The following RNF4 variants were observed in gnomAD, a reference collection of about 807,000 sequenced individuals.
The protein encoded by RNF4 is ring finger protein 4.
RNF4 carries 7 observed loss-of-function variants against 24.3 expected under a neutral mutation model. That is an observed-to-expected ratio of 0.29 (90% CI 0.16 to 0.54). RNF4 has a LOEUF of 0.54. Among genes scored for constraint, RNF4 ranks in the 20% least tolerant of loss-of-function variants. The pLI is 0.95. For synonymous variants in RNF4, 83 were observed against 84.3 expected, an observed-to-expected ratio of 0.98 and a Z score of 0.09; for missense variants, 209 against 248.5, an observed-to-expected ratio of 0.84 and a Z score of 1.07.
chr4:2,500,595 G>T, intron 3 of RNF4, 64 bp from the exon 4 acceptor site: 1 of 1,523,196 alleles, frequency 6.6e-7, no homozygotes, highest in Non-Finnish European at 9.0e-7. Context: ...ATACTAAAGT[G>T]TAGAGGGATA....
At position 2,497,082 on chromosome 4, in the gene RNF4, A is replaced by T. The variant is rs372612482; in HGVS notation, c.85A>T (p.Ile29Phe). The T allele has an allele frequency of 6.2e-7, 1 of 1,609,626 alleles. No individual in the cohort carries two copies. Among genetic ancestry groups the T allele is most frequent in the African/African-American group, 1.3e-5 (1 of 74,864 alleles). ...RTREATSTPE[I>F]SLEAEPIELV... ...TCGGGAAGCAACCTCCACCCCCGAG[A>T]TCTCCTTGGAAGCAGAACCCATAGA... Residue 29 changes from isoleucine (I) to phenylalanine (F), a missense_variant, in exon 3 of 8, where the codon ATC becomes TTC. This residue lies in a region of RNF4 where 182 missense variants were observed against 197.2 expected (regional missense o/e 0.92). Transcript: ENST00000314289.
intron 1 of RNF4, among the ~76,000 whole-genome samples, chr4:2,488,243 A>C (rs762753147): frequency 1.3e-5 from 2 of 152,158 alleles, no homozygotes; most frequent in African/African-American, 4.8e-5. Flanking sequence ...CAAGTGGATC[A>C]CCTGAGGTCA....
intron 7 of RNF4, 116 bp from the exon 8 acceptor site, chr4:2,513,553 TG>T: frequency 8.2e-7 from 1 of 1,226,014 alleles, no homozygotes; most frequent in Non-Finnish European, 1.1e-6. Flanking sequence ...TGTTGTAGCC[TG>T]GCCCTTGCTT....
intron 7 of RNF4, 55 bp downstream of exon 7, chr4:2,513,186 G>A (rs1181745775): frequency 2.6e-6 from 4 of 1,521,140 alleles, no homozygotes; most frequent in Middle Eastern, 1.7e-4. Flanking sequence ...TTCACTGAAA[G>A]AATTGGATGA....
At chr4:2,513,559 T>A in intron 7 of RNF4, 111 bp from the exon 8 acceptor site, 1 of 1,327,144 alleles carries the variant, frequency 7.5e-7, no homozygotes, top group Non-Finnish European at 1.0e-6. Context: ...AGCCTGGCCC[T>A]TGCTTTCCTT....
At chr4:2,489,808 A>G (rs1363808114) in intron 1 of RNF4, 1 of 152,090 alleles carries the variant, frequency 6.6e-6, no homozygotes, top group East Asian at 1.9e-4. Context: ...GCCTTTCCTC[A>G]AAGCTTCTGC....
chr4:2,505,983 T>G (rs1736089350), intron 4 of RNF4: 1 of 151,908 alleles, frequency 6.6e-6, no homozygotes, highest in Non-Finnish European at 1.5e-5. Context: ...CACAACACAT[T>G]TTGTCATGGG....
chr4:2,490,766 C>T (rs1578510149), intron 2 of RNF4: 1 of 397,106 alleles, frequency 2.5e-6, no homozygotes, highest in East Asian at 3.9e-5. Context: ...ACCTTCACAA[C>T]AGTTGTCAGT....
chr4:2,486,886 A>G (rs1180864005), intron 1 of RNF4, among the ~76,000 whole-genome samples: 1 of 152,168 alleles, frequency 6.6e-6, no homozygotes, highest in Non-Finnish European at 1.5e-5. Flanking sequence ...ACAAGCCCCT[A>G]TATGATAGAT....
intron 2 of RNF4, among the ~76,000 whole-genome samples, chr4:2,495,582 C>G (rs1016665011): frequency 7.0e-6 from 1 of 143,514 alleles, no homozygotes; most frequent in African/African-American, 2.6e-5. Flanking sequence ...GAGAAGAGCA[C>G]GGAAACACCA....
chr4:2,477,622 T>A (rs920661981), intron 1 of RNF4, among the ~76,000 whole-genome samples: 1 of 150,794 alleles, frequency 6.6e-6, no homozygotes, highest in Non-Finnish European at 1.5e-5. Context: ...TAAGGGGGAG[T>A]TTCCCTACAC....
intron 4 of RNF4, among the ~76,000 whole-genome samples, chr4:2,508,911 C>CTTTTTTT (rs66571775): frequency 1.0e-3 from 65 of 62,564 alleles, no homozygotes; most frequent in Admixed American, 1.8e-3. Context: ...TGCCCCAGGC[C>CTTTTTTT]TTTTTTTTTT....
chr4:2,476,704 C>CTTTTTTTTT (rs72435381), intron 1 of RNF4, among the ~76,000 whole-genome samples: 1 of 136,554 alleles, frequency 7.3e-6, no homozygotes. Flanking sequence ...TTCTTTCTTT[C>CTTTTTTTTT]TTTTTTTTTT....
At chr4:2,475,657 A>T (rs1735048685) in intron 1 of RNF4, among the ~76,000 whole-genome samples, 1 of 152,126 alleles carries the variant, frequency 6.6e-6, no homozygotes, top group Non-Finnish European at 1.5e-5. Flanking sequence ...CTAATTTTTA[A>T]CAAAGTTTTG....
At chr4:2,498,407 C>G (rs1056600759) in intron 3 of RNF4, among the ~76,000 whole-genome samples, 7 of 151,942 alleles carry the variant, frequency 4.6e-5, no homozygotes, top group Non-Finnish European at 8.8e-5. Context: ...AGGCTGATCT[C>G]GAACTCCTGA....
At chr4:2,473,605 GTT>G (rs1734976635) in intron 1 of RNF4, among the ~76,000 whole-genome samples, 4 of 151,546 alleles carry the variant, frequency 2.6e-5, no homozygotes, top group Non-Finnish European at 5.9e-5. Flanking sequence ...GAGGTCAGGA[GTT>G]CACAACCAGC....
At chr4:2,475,399 C>T (rs547073593) in intron 1 of RNF4, among the ~76,000 whole-genome samples, 143 of 152,122 alleles carry the variant, frequency 9.4e-4, no homozygotes, top group African/African-American at 3.4e-3. Context: ...TGTGCAGTGG[C>T]GCGATCTCGG....
intron 2 of RNF4, among the ~76,000 whole-genome samples, chr4:2,493,408 T>G (rs1735638894): frequency 6.6e-6 from 1 of 152,012 alleles, no homozygotes; most frequent in Non-Finnish European, 1.5e-5. Flanking sequence ...ATGGCTGCTT[T>G]CTTGGCTCCC....
At chr4:2,470,305 G>A (rs969151898) in intron 1 of RNF4, among the ~76,000 whole-genome samples, 3 of 152,174 alleles carry the variant, frequency 2.0e-5, no homozygotes, top group Non-Finnish European at 4.4e-5. Flanking sequence ...TCATTGACCA[G>A]GAGTTTTGGG....
Sources: allele counts gnomAD v4.1 joint callset (sites outside exome capture counted in the v4.1 genomes callset), GRCh38; gene constraint gnomAD v4.1.1; regional missense constraint gnomAD v4.1.1; transcripts MANE v1.5; gene names NCBI Gene and HGNC (gene_info 2026-07-23, HGNC 2026-07-21).